GLRX2: variants seen among roughly 807,000 people sequenced by gnomAD.
GLRX2 encodes bA101E13.1 (GRX2 glutaredoxin (thioltransferase) 2).
Under a neutral mutation model 16.4 loss-of-function variants are expected in GLRX2, and 12 were observed. The observed-to-expected ratio is 0.73, with a 90% CI of 0.47 to 1.19. The LOEUF (loss-of-function observed/expected upper bound fraction) is 1.19. GLRX2 is among the 50% of genes most tolerant of loss of function. GLRX2 has a pLI of 0.00. For synonymous variants in GLRX2, 95 were observed against 76.2 expected (o/e 1.25, Z -1.28); for missense variants, 201 against 201.8 (o/e 1.00, Z 0.02).
At chr1:193,104,156 A>G (rs554635320) in intron 1 of GLRX2, among the ~76,000 whole-genome samples, 1 of 152,340 alleles carries the variant, frequency 6.6e-6, no homozygotes, top group Non-Finnish European at 1.5e-5. Context: ...GAGAGGAGGT[A>G]GGAGGTGCAT....
At chr1:193,106,041 A>G (rs1157367344), upstream of GLRX2, 1 of 988,086 alleles carries the variant, frequency 1.0e-6, no homozygotes, top group Non-Finnish European at 1.2e-6. Context: ...GAGATGTTTC[A>G]CCATGGCTTT....
At chr1:193,105,513 T>G (rs746183694), upstream of GLRX2, 2 of 1,448,884 alleles carry the variant, frequency 1.4e-6, no homozygotes, top group Non-Finnish European at 1.8e-6. Flanking sequence ...CCGCCGCCGG[T>G]CACCTCCTCG....
Position 193,097,593 on chromosome 1 carries a change from A to T in GLRX2, c.351T>A (p.Gly117=). The T allele has an allele frequency of 6.2e-7, 1 of 1,606,428 alleles. No individual in the cohort carries two copies. Among genetic ancestry groups the T allele is most frequent in the Non-Finnish European group, 8.5e-7 (1 of 1,177,134 alleles). The change falls in exon 3 of 4, where the codon GGT becomes GGA. Residue 117 remains glycine (G), a synonymous_variant. Coordinates refer to ENST00000367439, the MANE Select transcript of GLRX2 (RefSeq NM_197962.3). ...CAGAGGATATACTCACAGTTCTTTC[A>T]CCAGTCATTTTGTAAAGAGCATCTT... ...QFQDALYKMT[G]ERTVPRIFVN... is the part of the protein sequence containing the mutation.
intron 1 of GLRX2, among the ~76,000 whole-genome samples, chr1:193,101,740 C>T (rs747832610): frequency 1.3e-4 from 20 of 152,132 alleles, no homozygotes; most frequent in Non-Finnish European, 1.3e-4. Flanking sequence ...TGAATTCATA[C>T]GCAGAAAGCA....
At position 193,096,772 on chromosome 1, in the gene GLRX2, C is replaced by G. The variant is rs1558265703; in HGVS notation, c.361-13G>C. 1 of 1,592,800 alleles carries G rather than the reference C, an allele frequency of 6.3e-7. No homozygotes were observed. The highest frequency in any genetic ancestry group is 8.5e-7 in the Non-Finnish European group (1 of 1,169,766). ...ATATTCTTGGAACCTGTTGGACAAA[C>G]AAAAGAAGAATTAGGCTTTACTCTA... On this transcript the variant is annotated splice_polypyrimidine_tract_variant and intron_variant, in intron 3 of 3. Coordinates refer to ENST00000367439, the MANE Select transcript of GLRX2 (RefSeq NM_197962.3).
At chr1:193,098,964 G>A (rs1675017713) in intron 2 of GLRX2, among the ~76,000 whole-genome samples, 1 of 152,160 alleles carries the variant, frequency 6.6e-6, no homozygotes, top group African/African-American at 2.4e-5. Context: ...TTCTTAAAAT[G>A]TAAGGCTTAC....
intron 1 of GLRX2, among the ~76,000 whole-genome samples, chr1:193,104,617 C>T (rs569015231): frequency 6.6e-6 from 1 of 152,262 alleles, no homozygotes; most frequent in Non-Finnish European, 1.5e-5. Context: ...GACCGCCAGG[C>T]ACCAGCCGCG....
At chr1:193,105,479 T>TC, upstream of GLRX2, 1 of 1,405,528 alleles carries the variant, frequency 7.1e-7, no homozygotes, top group Non-Finnish European at 9.4e-7. Context: ...CCCCGCCCCG[T>TC]CCCGCCCCTC....
intron 1 of GLRX2, among the ~76,000 whole-genome samples, chr1:193,104,579 T>C (rs2103102244): frequency 6.6e-6 from 1 of 152,340 alleles, no homozygotes; most frequent in Non-Finnish European, 1.5e-5. Flanking sequence ...AAGTGCGCAG[T>C]GGCAGGCGCG....
At position 193,105,402 on chromosome 1, in the gene GLRX2, A is replaced by T; in HGVS notation, c.-20T>A. On this transcript the variant is annotated 5_prime_UTR_variant, in exon 1 of 4. Coordinates refer to ENST00000367439, the MANE Select transcript of GLRX2 (RefSeq NM_197962.3). ...AATCATGGTCAGAGCCCGGATCTGC[A>T]GCGAGCTCTACTGCCGGACACCGCG... 1 of 1,520,674 alleles carries T rather than the reference A, an allele frequency of 6.6e-7. No individual in the cohort carries two copies. The highest frequency in any genetic ancestry group is 8.7e-7 in the Non-Finnish European group (1 of 1,144,212). The allele number at this position is 1,520,674 out of a possible 1,614,324, so 94.2% of individuals were successfully genotyped here.
intron 2 of GLRX2, among the ~76,000 whole-genome samples, chr1:193,099,809 C>T (rs968404119): frequency 6.6e-6 from 1 of 152,148 alleles, no homozygotes; most frequent in African/African-American, 2.4e-5. Context: ...CTTGTGTTTA[C>T]TAGTAATATT....
chr1:193,101,129 C>G lies in GLRX2; in HGVS notation c.183+12G>C. ...AGAGGAAAGTTTTTCAATCATCTCCCACATCACTCACTTGGATCTGGTTCA... is the reference window on the plus strand; with the variant it reads ...AGAGGAAAGTTTTTCAATCATCTCCGACATCACTCACTTGGATCTGGTTCA... On this transcript the variant is annotated intron_variant, in intron 2 of 3. Transcript: ENST00000367439. 1 of 1,583,868 alleles carries G rather than the reference C, an allele frequency of 6.3e-7. No individual in the cohort carries two copies. The highest frequency in any genetic ancestry group is 1.7e-5 in the Admixed American group (1 of 59,968).
intron 3 of GLRX2, 62 bp downstream of exon 3, chr1:193,097,522 G>T: frequency 7.6e-7 from 1 of 1,307,790 alleles, no homozygotes; most frequent in Non-Finnish European, 1.0e-6. Context: ...AAGGTTCTAG[G>T]CTCTGGGTGA....
At chr1:193,101,489 C>A (rs1304204383) in intron 1 of GLRX2, among the ~76,000 whole-genome samples, 3 of 152,150 alleles carry the variant, frequency 2.0e-5, no homozygotes, top group East Asian at 3.8e-4. Flanking sequence ...TTATAACTGG[C>A]AAATTTCAAA....
At chr1:193,101,066 A>G in intron 2 of GLRX2, 75 bp downstream of exon 2, 5 of 875,572 alleles carry the variant, frequency 5.7e-6, no homozygotes, top group Non-Finnish European at 7.9e-6. Context: ...GATATTGAAT[A>G]AGCATATTAA....
At chr1:193,104,462 G>C (rs1433422437) in intron 1 of GLRX2, among the ~76,000 whole-genome samples, 1 of 152,212 alleles carries the variant, frequency 6.6e-6, no homozygotes, top group Non-Finnish European at 1.5e-5. Context: ...AGCCCTTCAG[G>C]AGGGGTCTCT....
In GLRX2 at chr1:193,097,725, T is replaced by C. The variant is rs562868322; in HGVS notation, c.219A>G (p.Ser73=). 5 of 1,596,890 alleles carry C rather than the reference T, an allele frequency of 3.1e-6. No individual in the cohort carries two copies. The South Asian group carries it at 5.7e-5, about 18-fold the overall frequency. The stretch of plus-strand genomic sequence containing the variant: ...TTGTACAGTAAGAACAGGATGTTTT[T>C]GAGAAAATCACCACACAATTATCAG... The part of the protein sequence containing the change: ...TISDNCVVIF[S]KTSCSYCTMA... The change falls in exon 3 of 4, where the codon TCA becomes TCG. Residue 73 remains serine, a synonymous_variant. Coordinates refer to ENST00000367439, the MANE Select transcript of GLRX2 (RefSeq NM_197962.3).
chr1:193,103,964 C>T (rs868317089), intron 1 of GLRX2, among the ~76,000 whole-genome samples: 5 of 152,278 alleles, frequency 3.3e-5, no homozygotes, highest in Non-Finnish European at 5.9e-5. Context: ...GCAGCACTGG[C>T]CTAGCCCTAA....
chr1:193,105,720 G>A (rs370987095), upstream of GLRX2: 7 of 1,461,974 alleles, frequency 4.8e-6, no homozygotes, highest in South Asian at 7.0e-5. Context: ...CATGAGGATG[G>A]TGGCAGACAT....
Sources: gnomAD v4.1 joint callset for allele counts (sites outside exome capture counted in the v4.1 genomes callset) on GRCh38, gnomAD v4.1.1 for gene constraint, MANE v1.5 for transcripts, NCBI Gene and HGNC (gene_info 2026-07-23, HGNC 2026-07-21) for gene names.